Variants in CCDC63 observed in about 807,000 individuals in gnomAD.
CCDC63 encodes the protein coiled-coil domain-containing protein 63.
In CCDC63, 54 loss-of-function variants were observed where a neutral mutation model predicts 63.6. The observed-to-expected ratio is 0.85, with a 90% CI of 0.68 to 1.07. CCDC63 has a LOEUF of 1.07. Ranked by LOEUF, CCDC63 falls within the 50% of genes least tolerant of loss-of-function variation. CCDC63 has a pLI of 0.00. For synonymous variants in CCDC63, 253 were observed against 266.1 expected, an observed-to-expected ratio of 0.95 and a Z score of 0.48; for missense variants, 637 against 689.6, an observed-to-expected ratio of 0.92 and a Z score of 0.86.
chr12:110,880,793 GA>G (rs2071194070), intron 6 of CCDC63, among the ~76,000 whole-genome samples: 3 of 4,272 alleles, frequency 7.0e-4, no homozygotes, highest in Non-Finnish European at 1.2e-3. Flanking sequence ...TGGTGATGAT[GA>G]TGGTGACAAT....
At chr12:110,866,733 C>T (rs1240198668) in intron 4 of CCDC63, among the ~76,000 whole-genome samples, 6 of 145,458 alleles carry the variant, frequency 4.1e-5, no homozygotes, top group African/African-American at 1.3e-4. Flanking sequence ...TACACAGACA[C>T]GGCAACCATC....
chr12:110,857,787 G>A (rs533599748), intron 3 of CCDC63, among the ~76,000 whole-genome samples: 1 of 152,106 alleles, frequency 6.6e-6, no homozygotes, highest in African/African-American at 2.4e-5. Flanking sequence ...AGGCTATTAT[G>A]CATCCCTGTG....
Position 110,907,318 on chromosome 12 carries a change from G to T in CCDC63, c.1547-13G>T. ...ATTTCCCAGCACCTCACACAAATCT[G>T]ATCTTGGTGCAGTGGAACAGCCCCT... On this transcript the variant is annotated splice_polypyrimidine_tract_variant and intron_variant, in intron 11 of 11. Transcript: ENST00000308208. The surrounding 1 kb of genome is among the most constrained non-coding windows in gnomAD (Gnocchi z 4.4). 6.2e-7 allele frequency: 1 copy of T among 1,611,820 alleles called. No individual in the cohort carries two copies. Among genetic ancestry groups the T allele is most frequent in the South Asian group, 1.1e-5 (1 of 90,808 alleles).
chr12:110,905,463 A>G (rs1281659547), intron 11 of CCDC63, among the ~76,000 whole-genome samples: 1 of 152,134 alleles, frequency 6.6e-6, no homozygotes, highest in Non-Finnish European at 1.5e-5. Flanking sequence ...GTTTGGCCAC[A>G]TATATGGGAA....
chr12:110,853,360 C>T (rs371810177), intron 2 of CCDC63, 45 bp from the exon 3 acceptor site: 46 of 1,572,574 alleles, frequency 2.9e-5, no homozygotes, highest in Non-Finnish European at 4.0e-5. Context: ...GCTTCTCTAG[C>T]CACCTGGCCC....
At chr12:110,860,316 G>T (rs7294551) in intron 4 of CCDC63, among the ~76,000 whole-genome samples, 4 of 151,948 alleles carry the variant, frequency 2.6e-5, no homozygotes, top group East Asian at 1.9e-4. Flanking sequence ...GGGATCCCAT[G>T]GCTCCCCACA....
intron 10 of CCDC63, among the ~76,000 whole-genome samples, chr12:110,901,191 A>T (rs1319862341): frequency 6.6e-6 from 1 of 152,176 alleles, no homozygotes; most frequent in Non-Finnish European, 1.5e-5. Flanking sequence ...GGTACATGAG[A>T]TATTGTGATT....
At chr12:110,898,423 G>C (rs2071440498) in intron 9 of CCDC63, among the ~76,000 whole-genome samples, 1 of 147,432 alleles carries the variant, frequency 6.8e-6, no homozygotes, top group African/African-American at 2.5e-5. Flanking sequence ...AGCAGTTTGA[G>C]AGCAGCCTGC....
intron 3 of CCDC63, among the ~76,000 whole-genome samples, chr12:110,856,460 C>G (rs139900569): frequency 6.6e-6 from 1 of 152,142 alleles, no homozygotes; most frequent in African/African-American, 2.4e-5. Flanking sequence ...CAGCTTCCCC[C>G]GCCCGCCTCC....
intron 10 of CCDC63, among the ~76,000 whole-genome samples, chr12:110,900,833 C>T (rs1272094101): frequency 2.6e-5 from 4 of 152,064 alleles, no homozygotes; most frequent in African/African-American, 4.8e-5. Flanking sequence ...CTCCTGACCT[C>T]GTGATCCACC....
Position 110,866,309 on chromosome 12 carries a change from C to CT in CCDC63, c.370-7518dup, listed in dbSNP as rs67350855. ...TAAACCGTAATTTGCTTAAGCCACTCTTTTTTTTTTTTTTTAATTTATTTT... is the reference window on the plus strand; with the variant it reads ...TAAACCGTAATTTGCTTAAGCCACTCTTTTTTTTTTTTTTTTAATTTATTTT... On this transcript the variant is annotated intron_variant, in intron 4 of 11. Coordinates refer to ENST00000308208, the MANE Select transcript of CCDC63 (RefSeq NM_152591.3). Among the ~76,000 whole-genome samples, 487 of 137,030 alleles carry CT rather than the reference C, an allele frequency of 3.6e-3. 6 individuals carry two copies. The highest frequency in any genetic ancestry group is 0.012 in the East Asian group (57 of 4,860). The allele number at this position is 137,030 out of a possible 152,430, so 89.9% of individuals were successfully genotyped here.
intron 4 of CCDC63, among the ~76,000 whole-genome samples, chr12:110,866,925 G>T: frequency 6.9e-6 from 1 of 144,806 alleles, no homozygotes; most frequent in Non-Finnish European, 1.5e-5. Context: ...CCTCCGGGAC[G>T]GGGCGGCTGG....
At chr12:110,890,003 G>T (rs1298825128) in intron 8 of CCDC63, among the ~76,000 whole-genome samples, 2 of 151,984 alleles carry the variant, frequency 1.3e-5, no homozygotes, top group Admixed American at 6.6e-5. Flanking sequence ...TCATCTTTTT[G>T]GTAGAGTTCT....
At chr12:110,866,012 C>CT (rs2070942431) in intron 4 of CCDC63, among the ~76,000 whole-genome samples, 1 of 152,184 alleles carries the variant, frequency 6.6e-6, no homozygotes, top group South Asian at 2.1e-4. Flanking sequence ...GAGTCTCCCT[C>CT]TGTCACCCAG....
chr12:110,906,517 T>A (rs2136760356), intron 11 of CCDC63, among the ~76,000 whole-genome samples: 1 of 152,202 alleles, frequency 6.6e-6, no homozygotes, highest in South Asian at 2.1e-4. Flanking sequence ...TCTCTTACAA[T>A]GACCTTGCAT....
intron 7 of CCDC63, among the ~76,000 whole-genome samples, chr12:110,882,283 G>A (rs1343219229): frequency 1.3e-5 from 2 of 151,460 alleles, no homozygotes; most frequent in East Asian, 1.9e-4. Flanking sequence ...AGGCCAAGGC[G>A]GGAGGATCAC....
chr12:110,885,871 G>T (rs993679699), intron 8 of CCDC63, among the ~76,000 whole-genome samples: 2 of 152,208 alleles, frequency 1.3e-5, no homozygotes, highest in East Asian at 1.9e-4. Flanking sequence ...TACTAGTGAT[G>T]AATTAATTTT....
intron 9 of CCDC63, among the ~76,000 whole-genome samples, chr12:110,896,846 G>T (rs1177454550): frequency 6.6e-6 from 1 of 152,226 alleles, no homozygotes; most frequent in Non-Finnish European, 1.5e-5. Context: ...GAGCTTCTCA[G>T]ACTTTACTGT....
At chr12:110,876,265 T>C (rs1478288539) in intron 5 of CCDC63, among the ~76,000 whole-genome samples, 1 of 204 alleles carries the variant, frequency 4.9e-3, no homozygotes, top group East Asian at 0.17. Context: ...ATAGATAGTA[T>C]GCTACGGTCC....
Sources: allele counts gnomAD v4.1 joint callset (sites outside exome capture counted in the v4.1 genomes callset), GRCh38; gene constraint gnomAD v4.1.1; non-coding constraint Gnocchi (gnomAD v3.1); transcripts MANE v1.5; gene names NCBI Gene and HGNC (gene_info 2026-07-23, HGNC 2026-07-21).